PARPBP: variants seen among roughly 807,000 people sequenced by gnomAD.
PARPBP encodes PCNA-interacting partner.
A neutral mutation model predicts 50.0 loss-of-function variants in PARPBP; 52 were observed. The ratio of observed to expected loss-of-function variants is 1.04; its 90% CI spans 0.83 to 1.31. The LOEUF (loss-of-function observed/expected upper bound fraction) is 1.31, where lower values mean the gene tolerates loss of function less well. Among genes scored for constraint, PARPBP ranks in the 50% most tolerant of loss-of-function variants. The pLI, the probability that PARPBP is intolerant of heterozygous loss-of-function variation, is 0.00. For synonymous variants in PARPBP, 244 were observed against 232.1 expected (o/e 1.05, Z -0.47); for missense variants, 697 against 672.0 (o/e 1.04, Z -0.41).
At chr12:102,151,569 G>A in intron 3 of PARPBP, 2 of 1,534,764 alleles carry the variant, frequency 1.3e-6, no homozygotes, top group Non-Finnish European at 1.7e-6. Flanking sequence ...CTACCTGGCA[G>A]GGGTCAACTA....
chr12:102,146,090 T>A (rs1251378763), intron 2 of PARPBP, among the ~76,000 whole-genome samples: 1 of 152,138 alleles, frequency 6.6e-6, no homozygotes, highest in Non-Finnish European at 1.5e-5. Flanking sequence ...GGAAGAACAT[T>A]CCATGCTCAT....
At position 102,148,455 on chromosome 12, in the gene PARPBP, G is replaced by T; in HGVS notation, c.379G>T (p.Val127Leu). ...TTCTAATTGTGAAAATTATAACACA[G>T]TATCTCCTGTAAGTATTTTTTAAAC... The part of the protein sequence containing the change: ...LTSNCENYNT[V>L]SPSQLLDFLS... The change falls in exon 3 of 11, where the codon GTA becomes TTA. Residue 127 changes from valine to leucine, a missense_variant. Physicochemically the swap from Val to Leu is conservative, Grantham distance 32. Coordinates refer to ENST00000327680, the MANE Select transcript of PARPBP (RefSeq NM_017915.5). 1 of 1,228,216 alleles carries T rather than the reference G, an allele frequency of 8.1e-7. No individual in the cohort carries two copies. The highest frequency in any genetic ancestry group is 1.3e-5 in the South Asian group (1 of 77,194). 76.1% of individuals were successfully genotyped at this position (1,228,216 alleles called of 1,614,324 possible). A position where few individuals can be genotyped will look rare whatever the true frequency, so the allele number is the denominator to read the frequency against.
At chr12:102,181,316 A>G (rs1889806254) in intron 8 of PARPBP, among the ~76,000 whole-genome samples, 1 of 152,198 alleles carries the variant, frequency 6.6e-6, no homozygotes, top group Admixed American at 6.5e-5. Context: ...AATAGAAATA[A>G]TGACACTTTT....
chr12:102,196,332 CA>C lies in PARPBP; in HGVS notation c.*42del. ...GCTTTAGGTTTATGTATCTATAAAC[CA>C]TTCACCAAAGACATGCTTAATTTTT... is the stretch of plus-strand genomic sequence containing the variant. On this transcript the variant is annotated 3_prime_UTR_variant, in exon 11 of 11. Transcript: ENST00000327680. The C allele has an allele frequency of 7.9e-7, 1 of 1,268,936 alleles. No homozygotes were observed. Among genetic ancestry groups the C allele is most frequent in the Non-Finnish European group, 1.1e-6 (1 of 909,786 alleles). 78.6% of individuals were successfully genotyped at this position (1,268,936 alleles called of 1,614,324 possible). A position where few individuals can be genotyped will look rare whatever the true frequency, so the allele number is the denominator to read the frequency against.
chr12:102,184,698 G>A (rs879928165), intron 9 of PARPBP, among the ~76,000 whole-genome samples: 5 of 152,144 alleles, frequency 3.3e-5, no homozygotes, highest in Non-Finnish European at 5.9e-5. Context: ...AATCAAGAAA[G>A]GAAAGCATTG....
At chr12:102,192,940 G>T (rs1310462730) in intron 9 of PARPBP, among the ~76,000 whole-genome samples, 1 of 151,646 alleles carries the variant, frequency 6.6e-6, no homozygotes, top group African/African-American at 2.4e-5. Context: ...TATACAAAGG[G>T]GGGGAGTTCT....
At position 102,195,233 on chromosome 12, in the gene PARPBP, A is replaced by G. The variant is rs1412282090; in HGVS notation, c.1264-79A>G. Reference sequence around the variant, plus strand: ...GGGAAATTTTTATACCTTGATTACTATAGAGTGTGTGTCTATCTAGATGAA... The same window carrying G: ...GGGAAATTTTTATACCTTGATTACTGTAGAGTGTGTGTCTATCTAGATGAA... On this transcript the variant is annotated intron_variant, in intron 9 of 10. Transcript: ENST00000327680. 8 of 877,652 alleles carry G rather than the reference A, an allele frequency of 9.1e-6. No homozygotes were observed. In the Admixed American group the frequency reaches 1.0e-4, roughly 11 times the overall value. The allele number at this position is 877,652 out of a possible 1,614,324, so 54.4% of individuals were successfully genotyped here.
At chr12:102,162,146 T>C (rs2139479558) in intron 4 of PARPBP, among the ~76,000 whole-genome samples, 1 of 152,330 alleles carries the variant, frequency 6.6e-6, no homozygotes, top group African/African-American at 2.4e-5. Context: ...TTAACAACTA[T>C]CTAAGAGGCT....
intron 2 of PARPBP, among the ~76,000 whole-genome samples, chr12:102,132,190 G>A (rs1372756682): frequency 2.0e-5 from 3 of 148,976 alleles, no homozygotes; most frequent in Non-Finnish European, 3.0e-5. Flanking sequence ...GGGGGATAGC[G>A]ACAGAGCGAG....
chr12:102,153,881 G>C lies in PARPBP; in HGVS notation c.400G>C (p.Asp134His). ...ATGTTTTCTACAGAGTCAACTACTG[G>C]ATTTTCTGTCTGGCAAACAGTATGC... ...YNTVSPSQLL[D>H]FLSGKQYAVG... Residue 134 changes from aspartate to histidine, a missense_variant, in exon 4 of 11, where the codon GAT becomes CAT. Asp to His is a moderately conservative substitution (Grantham distance 81). Coordinates refer to ENST00000327680, the MANE Select transcript of PARPBP (RefSeq NM_017915.5). The C allele has an allele frequency of 6.3e-7, 1 of 1,597,864 alleles. No homozygotes were observed. The highest frequency in any genetic ancestry group is 8.6e-7 in the Non-Finnish European group (1 of 1,165,552).
intron 2 of PARPBP, among the ~76,000 whole-genome samples, chr12:102,136,554 G>C (rs184932437): frequency 2.0e-5 from 3 of 152,162 alleles, no homozygotes; most frequent in African/African-American, 7.2e-5. Flanking sequence ...TTACGTAGCA[G>C]TCACTCAGTG....
chr12:102,180,284 T>C (rs925936479), intron 8 of PARPBP, among the ~76,000 whole-genome samples: 2 of 152,208 alleles, frequency 1.3e-5, no homozygotes, highest in African/African-American at 4.8e-5. Flanking sequence ...TTTAACAAGT[T>C]TGCTTTTGGG....
intron 7 of PARPBP, 63 bp downstream of exon 7, chr12:102,175,729 A>G (rs1012505016): frequency 2.8e-6 from 3 of 1,069,418 alleles, no homozygotes; most frequent in Non-Finnish European, 3.9e-6. Flanking sequence ...TATTTATTGT[A>G]GAAATGGTTT....
intron 9 of PARPBP, among the ~76,000 whole-genome samples, chr12:102,185,879 C>T (rs1890253122): frequency 6.6e-6 from 1 of 152,078 alleles, no homozygotes; most frequent in East Asian, 1.9e-4. Context: ...GTCTCCAACT[C>T]CTGACCTCAA....
chr12:102,141,854 T>A (rs374298241), intron 2 of PARPBP, among the ~76,000 whole-genome samples: 1 of 152,216 alleles, frequency 6.6e-6, no homozygotes, highest in African/African-American at 2.4e-5. Flanking sequence ...CCGAGAGATC[T>A]GCTGTTAGTC....
At chr12:102,153,383 G>A (rs1251534592) in intron 3 of PARPBP, among the ~76,000 whole-genome samples, 1 of 152,156 alleles carries the variant, frequency 6.6e-6, no homozygotes, top group African/African-American at 2.4e-5. Context: ...TATCACTCTG[G>A]CGCCCAGGTT....
chr12:102,135,169 C>T (rs746330085), intron 2 of PARPBP, among the ~76,000 whole-genome samples: 1 of 151,966 alleles, frequency 6.6e-6, no homozygotes, highest in Non-Finnish European at 1.5e-5. Flanking sequence ...TTACATGGCA[C>T]AGGAATATGT....
chr12:102,188,926 A>C (rs1328392325), intron 9 of PARPBP, among the ~76,000 whole-genome samples: 2 of 152,156 alleles, frequency 1.3e-5, no homozygotes, highest in Admixed American at 1.3e-4. Flanking sequence ...TTAGTAGAAG[A>C]CCAGACACAG....
chr12:102,156,145 A>T (rs376432064), intron 4 of PARPBP, among the ~76,000 whole-genome samples: 48 of 133,816 alleles, frequency 3.6e-4, no homozygotes, highest in African/African-American at 1.1e-3. Context: ...TAACACCATG[A>T]TCACTCATAT....
Sources: allele counts gnomAD v4.1 joint callset (sites outside exome capture counted in the v4.1 genomes callset), GRCh38; gene constraint gnomAD v4.1.1; transcripts MANE v1.5; gene names NCBI Gene and HGNC (gene_info 2026-07-23, HGNC 2026-07-21).